Variants in CMTM7 observed in about 807,000 individuals in gnomAD.
The protein encoded by CMTM7 is CKLF-like MARVEL transmembrane domain-containing protein 7.
In CMTM7, 7 loss-of-function variants were observed where a neutral mutation model predicts 19.3. The ratio of observed to expected loss-of-function variants is 0.36; its 90% CI spans 0.21 to 0.68. CMTM7 has a LOEUF of 0.68. Among genes scored for constraint, CMTM7 ranks in the 30% least tolerant of loss-of-function variants. CMTM7 has a pLI of 0.60. For synonymous variants in CMTM7, 87 were observed against 99.3 expected, an observed-to-expected ratio of 0.88 and a Z score of 0.74; for missense variants, 193 against 232.6, an observed-to-expected ratio of 0.83 and a Z score of 1.11.
intron 1 of CMTM7, among the ~76,000 whole-genome samples, chr3:32,405,687 C>T (rs569050227): frequency 6.6e-6 from 1 of 152,164 alleles, no homozygotes; most frequent in South Asian, 2.1e-4. Context: ...CCCAGGAGTT[C>T]AAGGCTGCAG....
At chr3:32,415,930 C>T (rs1455222020) in intron 1 of CMTM7, among the ~76,000 whole-genome samples, 3 of 152,164 alleles carry the variant, frequency 2.0e-5, no homozygotes, top group African/African-American at 7.2e-5. Context: ...TCCAAGGTTT[C>T]TCAGACGTTT....
rs1277986473 is a variant in CMTM7, at chr3:32,430,134, T to A, written c.160-11706T>A. Among the ~76,000 whole-genome samples the A allele has an allele frequency of 3.9e-5, 6 of 152,304 alleles. No individual in the cohort carries two copies. The East Asian group carries it at 1.2e-3, about 29-fold the overall frequency. ...TTAAGTGTGTGCAATTCAGTGATTT[T>A]TAGTAAACTGATAGAGTTGTGCAGC... On this transcript the variant is annotated intron_variant, in intron 1 of 4. Transcript: ENST00000334983.
At chr3:32,394,975 T>G (rs902094944) in intron 1 of CMTM7, among the ~76,000 whole-genome samples, 1 of 151,604 alleles carries the variant, frequency 6.6e-6, no homozygotes, top group Non-Finnish European at 1.5e-5. Context: ...GTATTACAGG[T>G]GTGAGCTGCC....
intron 1 of CMTM7, among the ~76,000 whole-genome samples, chr3:32,422,143 A>G (rs960279179): frequency 6.6e-6 from 1 of 152,346 alleles, no homozygotes; most frequent in South Asian, 2.1e-4. Flanking sequence ...TGATGATCAC[A>G]CGTTCTCAAC....
At chr3:32,409,072 G>A (rs1439314636) in intron 1 of CMTM7, among the ~76,000 whole-genome samples, 5 of 152,090 alleles carry the variant, frequency 3.3e-5, no homozygotes, top group South Asian at 2.1e-4. Flanking sequence ...TAATAGAGGC[G>A]GGGTTTCTCC....
rs139429086 is a variant in CMTM7 at position 32,397,504 on chromosome 3, G to A, written c.159+5439G>A. 6.6e-4 allele frequency among the ~76,000 whole-genome samples: 100 copies of A among 152,230 alleles called. 2 individuals carry two copies. The East Asian group carries it at 0.017, about 26-fold the overall frequency. ...AATCCCAGCACTTTGGGAGGCTGAG[G>A]TGGGCGGATCACGAGGTCAGGAGAT... On this transcript the variant is annotated intron_variant, in intron 1 of 4. Transcript: ENST00000334983.
At chr3:32,443,022 T>C (rs1177387612) in intron 2 of CMTM7, among the ~76,000 whole-genome samples, 1 of 152,198 alleles carries the variant, frequency 6.6e-6, no homozygotes, top group Non-Finnish European at 1.5e-5. Flanking sequence ...GTATATGTGG[T>C]CTTTTGTAAC....
Position 32,449,939 on chromosome 3 carries a change from A to G in CMTM7, c.432+387A>G, listed in dbSNP as rs561306149. On this transcript the variant is annotated intron_variant, in intron 3 of 4. Transcript: ENST00000334983. This position sits in a 1 kb window ranked among gnomAD's most constrained non-coding sequence, Gnocchi z 4.5. ...AGTGGGAAATGTACTGTGATCAATT[A>G]GAGATACATGCCATGAGCCTGAGCT... Among the ~76,000 whole-genome samples, 1 of 152,334 alleles carries G rather than the reference A, an allele frequency of 6.6e-6. No individual in the cohort carries two copies. The highest frequency in any genetic ancestry group is 1.9e-4 in the East Asian group (1 of 5,188).
intron 1 of CMTM7, among the ~76,000 whole-genome samples, chr3:32,396,368 G>T (rs1184801822): frequency 6.6e-6 from 1 of 152,130 alleles, no homozygotes; most frequent in Non-Finnish European, 1.5e-5. Flanking sequence ...TTAGCTGGAT[G>T]TGGTGGCAGG....
chr3:32,415,923 A>G (rs1696253139), intron 1 of CMTM7, among the ~76,000 whole-genome samples: 1 of 152,178 alleles, frequency 6.6e-6, no homozygotes, highest in South Asian at 2.1e-4. Flanking sequence ...GTCTTTGTCC[A>G]AGGTTTCTCA....
At chr3:32,417,174 G>T (rs1696280423) in intron 1 of CMTM7, among the ~76,000 whole-genome samples, 1 of 152,216 alleles carries the variant, frequency 6.6e-6, no homozygotes. Context: ...TCACCACAGT[G>T]TGTACAGAAC....
chr3:32,415,539 A>T, intron 1 of CMTM7, among the ~76,000 whole-genome samples: 1 of 151,960 alleles, frequency 6.6e-6, no homozygotes, highest in East Asian at 1.9e-4. Context: ...CTGGATTCCT[A>T]CTCCTCAGTG....
intron 1 of CMTM7, among the ~76,000 whole-genome samples, chr3:32,413,724 C>T (rs1251031066): frequency 6.6e-6 from 1 of 152,178 alleles, no homozygotes; most frequent in Non-Finnish European, 1.5e-5. Context: ...AGCTTTTTTC[C>T]TATGTGGCTA....
Position 32,454,346 on chromosome 3 carries a change from A to C in CMTM7, c.*92A>C, listed in dbSNP as rs147875197. On this transcript the variant is annotated 3_prime_UTR_variant, in exon 5 of 5. Coordinates refer to ENST00000334983, the MANE Select transcript of CMTM7 (RefSeq NM_138410.4). ...CTCTGGACCTGTGTTCCTGTGCCAA[A>C]GTCCTGTCAGGCTGGTGGGCACCAG... 1 of 1,514,956 alleles carries C rather than the reference A, an allele frequency of 6.6e-7. No homozygotes were observed. The highest frequency in any genetic ancestry group is 9.1e-7 in the Non-Finnish European group (1 of 1,094,116). The allele number at this position is 1,514,956 out of a possible 1,614,324, so 93.8% of individuals were successfully genotyped here.
Position 32,392,332 on chromosome 3 carries a change from AC to A in CMTM7, c.159+273del, listed in dbSNP as rs1193524967. ...GCCAGGGTCGCAAGTTTCTCCGGCC[AC>A]CCCCCTGCGAAGCCTGACCCGCCTA... On this transcript the variant is annotated intron_variant, in intron 1 of 4. Transcript: ENST00000334983. 6.6e-5 allele frequency among the ~76,000 whole-genome samples: 10 copies of A among 151,900 alleles called. No homozygotes were observed. In the East Asian group the frequency reaches 9.7e-4, roughly 15 times the overall value.
intron 1 of CMTM7, among the ~76,000 whole-genome samples, chr3:32,400,297 G>C (rs562533407): frequency 6.6e-6 from 1 of 152,184 alleles, no homozygotes; most frequent in South Asian, 2.1e-4. Context: ...TAGGATTACA[G>C]GCGGGAGCCA....
chr3:32,391,914 A>G lies in CMTM7; in HGVS notation c.8A>G (p.His3Arg). The G allele has an allele frequency of 8.2e-7, 1 of 1,222,484 alleles. No individual in the cohort carries two copies. Among genetic ancestry groups the G allele is most frequent in the Non-Finnish European group, 1.0e-6 (1 of 981,938 alleles). 75.7% of individuals were successfully genotyped at this position (1,222,484 alleles called of 1,614,324 possible). MS[H>R]GAGLVRTTCS... ...GCGAGCTGGGGCCGCGCAATGTCGCACGGAGCCGGGCTCGTCCGCACCACG... is the reference window on the plus strand; with the variant it reads ...GCGAGCTGGGGCCGCGCAATGTCGCGCGGAGCCGGGCTCGTCCGCACCACG... The change falls in exon 1 of 5, where the codon CAC (histidine) becomes CGC (arginine). Residue 3 changes from histidine (H) to arginine (R), a missense_variant. Physicochemically the swap from His to Arg is conservative, Grantham distance 29. Transcript: ENST00000334983.
chr3:32,413,947 T>C (rs1181279270), intron 1 of CMTM7, among the ~76,000 whole-genome samples: 1 of 152,136 alleles, frequency 6.6e-6, no homozygotes, highest in Non-Finnish European at 1.5e-5. Context: ...CCCAAGATGA[T>C]GCCTAACCTC....
At chr3:32,425,250 G>A (rs1696412947) in intron 1 of CMTM7, among the ~76,000 whole-genome samples, 1 of 152,136 alleles carries the variant, frequency 6.6e-6, no homozygotes, top group Non-Finnish European at 1.5e-5. Flanking sequence ...ATCATTATTG[G>A]TATTATTTCG....
Sources: allele counts gnomAD v4.1 joint callset (sites outside exome capture counted in the v4.1 genomes callset), GRCh38; gene constraint gnomAD v4.1.1; non-coding constraint Gnocchi (gnomAD v3.1); transcripts MANE v1.5; gene names NCBI Gene and HGNC (gene_info 2026-07-23, HGNC 2026-07-21).